Variants in ILRUN observed in about 807,000 individuals in gnomAD.
ILRUN encodes protein ILRUN.
A neutral mutation model predicts 33.8 loss-of-function variants in ILRUN; 3 were observed. That is an observed-to-expected ratio of 0.09 (90% confidence interval 0.04 to 0.23). ILRUN has a LOEUF of 0.23. Ranked by LOEUF, ILRUN falls within the 10% of genes least tolerant of loss-of-function variation. The probability of loss-of-function intolerance (pLI) is 1.00; values close to 1 mark genes in which losing one functional copy is unlikely to be tolerated. For synonymous variants in ILRUN, 124 were observed against 138.9 expected, an observed-to-expected ratio of 0.89 and a Z score of 0.75; for missense variants, 210 against 375.1, an observed-to-expected ratio of 0.56 and a Z score of 3.64.
intron 3 of ILRUN, among the ~76,000 whole-genome samples, chr6:34,621,587 G>A (rs370909522): frequency 6.0e-4 from 92 of 152,244 alleles, no homozygotes; most frequent in East Asian, 3.9e-3. Context: ...GGCCCGGCAT[G>A]GTGGCTCATG....
At chr6:34,624,723 G>C (rs1054045680) in intron 3 of ILRUN, among the ~76,000 whole-genome samples, 1 of 152,130 alleles carries the variant, frequency 6.6e-6, no homozygotes, top group African/African-American at 2.4e-5. Context: ...AACTTCTACA[G>C]AGCTAATGTG....
intron 1 of ILRUN, among the ~76,000 whole-genome samples, chr6:34,678,679 CTACTAAAAATACAAAAA>C (rs1763290209): frequency 6.6e-6 from 1 of 151,384 alleles, no homozygotes; most frequent in Non-Finnish European, 1.5e-5. Flanking sequence ...AACCCCATCT[CTACTAAAAATACAAAAA>C]TACAAAAAAT....
At chr6:34,635,899 G>C (rs750598675) in intron 3 of ILRUN, among the ~76,000 whole-genome samples, 19 of 152,264 alleles carry the variant, frequency 1.2e-4, no homozygotes, top group Non-Finnish European at 2.1e-4. Context: ...TGGGATTACA[G>C]GTGTGAGTCA....
At chr6:34,610,269 G>A (rs185587643) in intron 3 of ILRUN, among the ~76,000 whole-genome samples, 1 of 152,316 alleles carries the variant, frequency 6.6e-6, no homozygotes, top group Non-Finnish European at 1.5e-5. Context: ...CACATGTAGT[G>A]TGCCACTTCC....
intron 2 of ILRUN, among the ~76,000 whole-genome samples, chr6:34,650,614 G>A (rs989136989): frequency 2.6e-5 from 4 of 151,636 alleles, no homozygotes; most frequent in Non-Finnish European, 4.4e-5. Context: ...TGCAGTTTTA[G>A]TAGAGATGGG....
At chr6:34,613,750 G>A (rs1205265881) in intron 3 of ILRUN, among the ~76,000 whole-genome samples, 2 of 152,188 alleles carry the variant, frequency 1.3e-5, no homozygotes, top group Non-Finnish European at 2.9e-5. Context: ...TTGTAGATAC[G>A]TCCATATACA....
At chr6:34,621,844 A>G (rs1289143732) in intron 3 of ILRUN, among the ~76,000 whole-genome samples, 1 of 143,086 alleles carries the variant, frequency 7.0e-6, no homozygotes, top group Non-Finnish European at 1.5e-5. Flanking sequence ...GCCTGATGAC[A>G]GAGCAAGACT....
chr6:34,590,420 G>C lies in ILRUN; in HGVS notation c.*145C>G. The C allele has an allele frequency of 8.5e-7, 1 of 1,175,702 alleles. No homozygotes were observed. The highest frequency in any genetic ancestry group is 1.2e-6 in the Non-Finnish European group (1 of 837,822). 72.8% of individuals were successfully genotyped at this position (1,175,702 alleles called of 1,614,324 possible). On this transcript the variant is annotated 3_prime_UTR_variant, in exon 5 of 5. Transcript: ENST00000374023. ...AGTTTACTCAAAACTAGTCTGTTCT[G>C]CTTCTTCCTCTTCTTCCGGGATGAG...
intron 1 of ILRUN, chr6:34,685,640 G>A (rs1763500447): frequency 1.3e-5 from 2 of 152,124 alleles, no homozygotes; most frequent in Admixed American, 1.3e-4. Context: ...CACCGCGCCT[G>A]GCAAATTGAC....
chr6:34,617,073 T>C (rs1165404986), intron 3 of ILRUN: 3 of 532,396 alleles, frequency 5.6e-6, no homozygotes, highest in East Asian at 4.9e-5. Context: ...ATCACCTGCA[T>C]GGAGGATCTG....
At position 34,590,489 on chromosome 6, in the gene ILRUN, A is replaced by G. The variant is rs1761273365; in HGVS notation, c.*76T>C. On this transcript the variant is annotated 3_prime_UTR_variant, in exon 5 of 5. Coordinates refer to ENST00000374023, the MANE Select transcript of ILRUN (RefSeq NM_024294.4). ...GTCTGTGCGATGTGGTCTGCAATCC[A>G]GAGGAACCCCTTGCCCTAACCCCCC... is the stretch of plus-strand genomic sequence containing the variant. 3.1e-6 allele frequency: 5 copies of G among 1,608,108 alleles called. No homozygotes were observed. The highest frequency in any genetic ancestry group is 2.2e-5 in the South Asian group (2 of 90,428).
At chr6:34,614,428 T>TAAAAAAAA (rs1457803034) in intron 3 of ILRUN, among the ~76,000 whole-genome samples, 1 of 109,054 alleles carries the variant, frequency 9.2e-6, no homozygotes, top group Admixed American at 8.9e-5. Flanking sequence ...TCTCAAAAAA[T>TAAAAAAAA]AATAAAAAAA....
At chr6:34,607,991 A>T (rs1031801094) in intron 3 of ILRUN, among the ~76,000 whole-genome samples, 1 of 151,840 alleles carries the variant, frequency 6.6e-6, no homozygotes, top group African/African-American at 2.4e-5. Flanking sequence ...TACTTGGGGG[A>T]CAGAGGTGGG....
chr6:34,633,378 AAAC>A (rs1318671963), intron 3 of ILRUN, among the ~76,000 whole-genome samples: 4 of 152,244 alleles, frequency 2.6e-5, no homozygotes, highest in Non-Finnish European at 5.9e-5. Flanking sequence ...TAGAACTAGT[AAAC>A]AACAACAAAA....
intron 3 of ILRUN, among the ~76,000 whole-genome samples, chr6:34,641,893 G>GT (rs1043540585): frequency 6.6e-6 from 1 of 152,034 alleles, no homozygotes; most frequent in African/African-American, 2.4e-5. Context: ...TGGAAATTGA[G>GT]TATTATGAAA....
chr6:34,602,292 T>A (rs554870839), intron 4 of ILRUN, among the ~76,000 whole-genome samples: 1 of 152,194 alleles, frequency 6.6e-6, no homozygotes, highest in Non-Finnish European at 1.5e-5. Flanking sequence ...CACACTCTTA[T>A]CCCCAGCTGT....
chr6:34,681,928 C>T (rs780642825), intron 1 of ILRUN, among the ~76,000 whole-genome samples: 49 of 145,678 alleles, frequency 3.4e-4, no homozygotes, highest in Non-Finnish European at 6.1e-4. Context: ...CCTCAGCTCA[C>T]TGCAACTCTG....
chr6:34,614,437 A>AT (rs1321613482), intron 3 of ILRUN, among the ~76,000 whole-genome samples: 10 of 124,606 alleles, frequency 8.0e-5, no homozygotes, highest in African/African-American at 3.7e-4. Flanking sequence ...ATAATAAAAA[A>AT]AAAAAAATAT....
At chr6:34,627,669 T>C (rs909212482) in intron 3 of ILRUN, among the ~76,000 whole-genome samples, 1 of 152,160 alleles carries the variant, frequency 6.6e-6, no homozygotes, top group Non-Finnish European at 1.5e-5. Flanking sequence ...ATCTGTGCAT[T>C]TTCTTTGGTG....
Sources: allele counts gnomAD v4.1 joint callset (sites outside exome capture counted in the v4.1 genomes callset), GRCh38; gene constraint gnomAD v4.1.1; transcripts MANE v1.5; gene names NCBI Gene and HGNC (gene_info 2026-07-23, HGNC 2026-07-21).